SATL1: variants seen among roughly 807,000 people sequenced by gnomAD.
SATL1 encodes spermidine/spermine N(1)-acetyltransferase-like protein 1.
A neutral mutation model predicts 51.8 loss-of-function variants in SATL1; 47 were observed. The observed-to-expected ratio is 0.91, with a 90% CI of 0.72 to 1.16. The LOEUF (loss-of-function observed/expected upper bound fraction) is 1.16, where lower values mean the gene tolerates loss of function less well. Ranked by LOEUF, SATL1 falls within the 50% of genes most tolerant of loss-of-function variation. The probability of loss-of-function intolerance (pLI) is 0.00; values close to 1 mark genes in which losing one functional copy is unlikely to be tolerated. For synonymous variants in SATL1, 176 were observed against 182.4 expected (o/e 0.97, Z 0.28); for missense variants, 520 against 526.4 (o/e 0.99, Z 0.12).
chrX:85,096,923 T>G (rs1234434696), intron 4 of SATL1, among the ~76,000 whole-genome samples: 2 of 78,884 alleles, frequency 2.5e-5, no homozygotes, highest in Admixed American at 3.6e-4. Flanking sequence ...CAGCAAGAAA[T>G]GCCAAAAGGA....
chrX:85,237,624 T>C (rs971075002), intron 1 of SATL1, among the ~76,000 whole-genome samples: 4 of 111,238 alleles, frequency 3.6e-5, no homozygotes, highest in Admixed American at 1.9e-4. Context: ...ATAGAAAACA[T>C]TGGGGGAAAC....
chrX:85,168,486 G>T (rs138800400), intron 2 of SATL1, among the ~76,000 whole-genome samples: 1 of 111,111 alleles, frequency 9.0e-6, no homozygotes, highest in East Asian at 2.8e-4. Flanking sequence ...ACCAAAAACG[G>T]TCAAGCTGAG....
At chrX:85,160,339 G>C (rs1926690869) in intron 2 of SATL1, among the ~76,000 whole-genome samples, 1 of 111,078 alleles carries the variant, frequency 9.0e-6, no homozygotes, top group Non-Finnish European at 1.9e-5. Context: ...GGATGAGATG[G>C]CTGAAATTAC....
chrX:85,205,560 A>G (rs771522086), intron 2 of SATL1, among the ~76,000 whole-genome samples: 21 of 112,314 alleles, frequency 1.9e-4, no homozygotes, highest in African/African-American at 6.8e-4. Context: ...ACCCTTCTAT[A>G]TAAAAAGGGA....
chrX:85,214,290 T>C (rs1329614093), intron 2 of SATL1, among the ~76,000 whole-genome samples: 1 of 111,301 alleles, frequency 9.0e-6, no homozygotes, highest in Non-Finnish European at 1.9e-5. Context: ...AGAGATCACG[T>C]AGCAAGAGAG....
intron 3 of SATL1, among the ~76,000 whole-genome samples, chrX:85,107,044 C>T (rs1226036371): frequency 8.9e-6 from 1 of 111,781 alleles, no homozygotes; most frequent in African/African-American, 3.3e-5. Context: ...CCTAAAATTT[C>T]CAGGAATTGG....
At chrX:85,130,322 G>A (rs540214488) in intron 2 of SATL1, among the ~76,000 whole-genome samples, 1 of 111,217 alleles carries the variant, frequency 9.0e-6, no homozygotes, top group Non-Finnish European at 1.9e-5. Context: ...CTCAATTTCA[G>A]AGCCTGTTAT....
Position 85,109,041 on chromosome X carries a change from G to A in SATL1, c.-73C>T, listed in dbSNP as rs1925190328. 2 of 974,025 alleles carry A rather than the reference G, an allele frequency of 2.1e-6. No individual in the cohort carries two copies. The highest frequency in any genetic ancestry group is 2.8e-6 in the Non-Finnish European group (2 of 707,174). The allele number at this position is 974,025 out of a possible 1,213,427, so 80.3% of individuals were successfully genotyped here. ...TGGGTTGGCAGACAACTGATTGGCT[G>A]ATGGCTGTCTTGATGGAACAGAATC... is the stretch of plus-strand genomic sequence containing the variant. On this transcript the variant is annotated 5_prime_UTR_variant, in exon 3 of 8. Transcript: ENST00000644105.
Position 85,161,853 on chromosome X carries a change from A to AAT in SATL1, c.-312-52575_-312-52574dup, listed in dbSNP as rs756013342. Among the ~76,000 whole-genome samples the AAT allele has an allele frequency of 5.4e-5, 6 of 111,502 alleles. No individual in the cohort carries two copies. The East Asian group carries it at 1.7e-3, about 32-fold the overall frequency. ...AGACCTCTCCATCCAAAACTAACAG[A>AAT]ATATATATTTTTCTAATTGCCGCAT... is the stretch of plus-strand genomic sequence containing the variant. On this transcript the variant is annotated intron_variant, in intron 2 of 7. Coordinates refer to ENST00000644105, the MANE Select transcript of SATL1 (RefSeq NM_001367857.2).
intron 2 of SATL1, among the ~76,000 whole-genome samples, chrX:85,147,676 G>A (rs1257328891): frequency 8.9e-6 from 1 of 111,878 alleles, no homozygotes; most frequent in African/African-American, 3.3e-5. Flanking sequence ...AAAATCTGCT[G>A]TTCTGCAGCC....
intron 2 of SATL1, among the ~76,000 whole-genome samples, chrX:85,129,344 C>G (rs534149834): frequency 2.7e-5 from 3 of 111,414 alleles, no homozygotes; most frequent in East Asian, 2.8e-4. Context: ...TTGTAGTTCT[C>G]TTGAAGAGGT....
rs1214123756 is a variant in SATL1, at chrX:85,158,153, T to C, written c.-312-48873A>G. Among the ~76,000 whole-genome samples the C allele has an allele frequency of 3.6e-5, 4 of 111,445 alleles. No individual in the cohort carries two copies. The East Asian group carries it at 1.1e-3, about 31-fold the overall frequency. On this transcript the variant is annotated intron_variant, in intron 2 of 7. Transcript: ENST00000644105. ...CATGCAAATTCATCACTGTTTTTTTTTTTATTCAGCTAGCTCACACACACA... is the reference window on the plus strand; with the variant it reads ...CATGCAAATTCATCACTGTTTTTTTCTTTATTCAGCTAGCTCACACACACA...
intron 2 of SATL1, among the ~76,000 whole-genome samples, chrX:85,109,719 A>C (rs1925214627): frequency 8.9e-6 from 1 of 112,003 alleles, no homozygotes; most frequent in African/African-American, 3.2e-5. Context: ...TAAAAATAAT[A>C]ATAGCTGCGC....
In SATL1 at chrX:85,107,343, A is replaced by C. The variant is rs2147690370; in HGVS notation, c.1626T>G (p.Ile542Met). ...ATAGGCTTACTTTAATCAGTCGCAAAATTTCTGGGCAGTCTCCAGCCTCTG... is the reference window on the plus strand; with the variant it reads ...ATAGGCTTACTTTAATCAGTCGCAACATTTCTGGGCAGTCTCCAGCCTCTG... Reference protein sequence around the residue: ...RHAEAGDCPEILRLIKELAAC... With the variant: ...RHAEAGDCPEMLRLIKELAAC... The change falls in exon 3 of 8, where the codon ATT (isoleucine) becomes ATG (methionine). Residue 542 changes from isoleucine to methionine, a missense_variant. Physicochemically the swap from Ile to Met is conservative, Grantham distance 10. Transcript: ENST00000644105. 8.3e-7 allele frequency: 1 copy of C among 1,209,662 alleles called. No individual in the cohort carries two copies. Among genetic ancestry groups the C allele is most frequent in the South Asian group, 1.8e-5 (1 of 56,838 alleles).
intron 2 of SATL1, among the ~76,000 whole-genome samples, chrX:85,146,896 G>A (rs1602866898): frequency 3.6e-5 from 4 of 112,671 alleles, no homozygotes; most frequent in African/African-American, 1.3e-4. Flanking sequence ...GAGTGACACA[G>A]AAGATGGGTG....
chrX:85,122,760 G>A (rs979025298), intron 2 of SATL1, among the ~76,000 whole-genome samples: 3 of 111,838 alleles, frequency 2.7e-5, no homozygotes, highest in Non-Finnish European at 5.7e-5. Context: ...TGTCACCCAG[G>A]TGATAAGCAT....
At chrX:85,172,401 T>G (rs1389405817) in intron 2 of SATL1, among the ~76,000 whole-genome samples, 1 of 111,343 alleles carries the variant, frequency 9.0e-6, no homozygotes. Context: ...AAAAAGATGA[T>G]TATACATGAA....
chrX:85,154,880 A>G (rs1388075563), intron 2 of SATL1, among the ~76,000 whole-genome samples: 6 of 112,182 alleles, frequency 5.3e-5, no homozygotes, highest in African/African-American at 1.9e-4. Context: ...GTAAATTCGA[A>G]TTAGCATCTA....
chrX:85,227,150 T>G (rs1475133710), intron 1 of SATL1, among the ~76,000 whole-genome samples: 1 of 111,476 alleles, frequency 9.0e-6, no homozygotes, highest in East Asian at 2.8e-4. Context: ...ACCACGAACC[T>G]CATCTGTGCT....
Sources: gnomAD v4.1 joint callset for allele counts (sites outside exome capture counted in the v4.1 genomes callset) on GRCh38, gnomAD v4.1.1 for gene constraint, MANE v1.5 for transcripts, NCBI Gene and HGNC (gene_info 2026-07-23, HGNC 2026-07-21) for gene names.